AK5: variants seen among roughly 807,000 people sequenced by gnomAD.
AK5 encodes adenylate kinase isoenzyme 5.
AK5 carries 27 observed loss-of-function variants against 69.5 expected under a neutral mutation model. That is an observed-to-expected ratio of 0.39 (90% confidence interval 0.29 to 0.54). The LOEUF (loss-of-function observed/expected upper bound fraction) is 0.54. Among genes scored for constraint, AK5 ranks in the 20% least tolerant of loss-of-function variants. The pLI, the probability that AK5 is intolerant of heterozygous loss-of-function variation, is 0.71. For missense variants in AK5, 531 were observed against 700.4 expected, an observed-to-expected ratio of 0.76 and a Z score of 2.73; for synonymous variants, 260 against 244.4, an observed-to-expected ratio of 1.06 and a Z score of -0.60.
At chr1:77,376,299 G>C (rs1273003097) in intron 6 of AK5, among the ~76,000 whole-genome samples, 1 of 152,066 alleles carries the variant, frequency 6.6e-6, no homozygotes, top group Non-Finnish European at 1.5e-5. Context: ...TGCAAATCCA[G>C]AGGGAGGGCA....
At chr1:77,312,670 C>T (rs916706110) in intron 5 of AK5, among the ~76,000 whole-genome samples, 20 of 151,714 alleles carry the variant, frequency 1.3e-4, no homozygotes, top group Middle Eastern at 3.4e-3. Context: ...CACATCACCA[C>T]GGATGCAATC....
chr1:77,339,823 T>C (rs974177934), intron 5 of AK5, among the ~76,000 whole-genome samples: 5 of 151,956 alleles, frequency 3.3e-5, no homozygotes, highest in African/African-American at 1.2e-4. Flanking sequence ...GGTTTCACCA[T>C]GTTGGTCAGG....
chr1:77,427,870 G>A (rs1054218045), intron 8 of AK5, among the ~76,000 whole-genome samples: 1 of 152,150 alleles, frequency 6.6e-6, no homozygotes, highest in Non-Finnish European at 1.5e-5. Flanking sequence ...AATGCAATAA[G>A]ACAAGAAAAT....
intron 6 of AK5, among the ~76,000 whole-genome samples, chr1:77,403,478 G>C (rs995632056): frequency 2.0e-5 from 3 of 152,114 alleles, no homozygotes; most frequent in African/African-American, 7.2e-5. Context: ...TTTGTATAAG[G>C]TGTAAGGAAG....
chr1:77,444,421 TAC>T (rs369818956), intron 8 of AK5, among the ~76,000 whole-genome samples: 5,593 of 48,176 alleles, frequency 0.12, 399 homozygotes, highest in South Asian at 0.21. Context: ...ATATAGTATA[TAC>T]ATAGTATAAA....
chr1:77,304,988 C>T (rs1056071890), intron 5 of AK5, among the ~76,000 whole-genome samples: 2 of 152,258 alleles, frequency 1.3e-5, no homozygotes, highest in East Asian at 1.9e-4. Context: ...TCCACATCCT[C>T]GTCAGCATTT....
At chr1:77,283,123 G>T in intron 1 of AK5, 1 of 985,814 alleles carries the variant, frequency 1.0e-6, no homozygotes, top group Non-Finnish European at 1.2e-6. Flanking sequence ...TCTGCACCGG[G>T]ACCCGGGAAT....
At chr1:77,329,600 A>G (rs1660985028) in intron 5 of AK5, among the ~76,000 whole-genome samples, 1 of 152,216 alleles carries the variant, frequency 6.6e-6, no homozygotes, top group South Asian at 2.1e-4. Flanking sequence ...AGGATGCCTG[A>G]ACAAGGGCAA....
At chr1:77,322,652 A>G (rs1283211776) in intron 5 of AK5, among the ~76,000 whole-genome samples, 2 of 152,192 alleles carry the variant, frequency 1.3e-5, no homozygotes, top group South Asian at 2.1e-4. Context: ...AGTCCCAGAG[A>G]GATTAAATGA....
intron 3 of AK5, 32 bp downstream of exon 3, chr1:77,293,992 C>T (rs371214369): frequency 1.1e-5 from 18 of 1,580,448 alleles, no homozygotes; most frequent in African/African-American, 8.2e-5. Context: ...ATTCTCATAC[C>T]GTTGCTGCCT....
At chr1:77,341,905 G>T (rs1331915893) in intron 6 of AK5, among the ~76,000 whole-genome samples, 1 of 151,938 alleles carries the variant, frequency 6.6e-6, no homozygotes, top group Non-Finnish European at 1.5e-5. Flanking sequence ...TTTTGTTTTG[G>T]TTTGGTTTTT....
intron 6 of AK5, among the ~76,000 whole-genome samples, chr1:77,372,640 A>G (rs1393204870): frequency 1.3e-5 from 2 of 152,190 alleles, no homozygotes; most frequent in African/African-American, 2.4e-5. Flanking sequence ...CACTTTGGAT[A>G]TATAAGGACT....
At chr1:77,533,383 G>A (rs1170621393) in intron 12 of AK5, among the ~76,000 whole-genome samples, 1 of 151,942 alleles carries the variant, frequency 6.6e-6, no homozygotes. Context: ...GGGTGTGGTG[G>A]TGCACACCTG....
At chr1:77,437,215 A>G (rs1652008116) in intron 8 of AK5, among the ~76,000 whole-genome samples, 1 of 152,146 alleles carries the variant, frequency 6.6e-6, no homozygotes, top group Non-Finnish European at 1.5e-5. Context: ...GGTGGCTATT[A>G]TGTTTTTGAT....
chr1:77,448,394 C>A (rs1187941640), intron 8 of AK5, among the ~76,000 whole-genome samples: 3 of 152,140 alleles, frequency 2.0e-5, no homozygotes, highest in Non-Finnish European at 4.4e-5. Context: ...AATACCCACT[C>A]TGGGTCTCCT....
At chr1:77,355,188 A>G (rs1027399102) in intron 6 of AK5, among the ~76,000 whole-genome samples, 2 of 152,202 alleles carry the variant, frequency 1.3e-5, no homozygotes, top group Non-Finnish European at 2.9e-5. Context: ...AGATTTTGTA[A>G]AGCCTTAGGT....
At chr1:77,430,879 G>A (rs544627770) in intron 8 of AK5, among the ~76,000 whole-genome samples, 4 of 152,300 alleles carry the variant, frequency 2.6e-5, no homozygotes, top group Admixed American at 2.0e-4. Flanking sequence ...GCTATAAAGT[G>A]AAGACACTTA....
chr1:77,358,031 G>GAC (rs1297855863), intron 6 of AK5, among the ~76,000 whole-genome samples: 8 of 151,518 alleles, frequency 5.3e-5, no homozygotes, highest in Non-Finnish European at 7.4e-5. Flanking sequence ...GAGAGAGAGA[G>GAC]AGAGAGAGAC....
chr1:77,410,801 G>C (rs1252922276), intron 6 of AK5, among the ~76,000 whole-genome samples, 180 bp from the exon 7 acceptor site: 1 of 151,974 alleles, frequency 6.6e-6, no homozygotes, highest in Non-Finnish European at 1.5e-5. Flanking sequence ...ACTCTTCTCT[G>C]TTCGATAGGA....
Sources: gnomAD v4.1 joint callset for allele counts (sites outside exome capture counted in the v4.1 genomes callset) on GRCh38, gnomAD v4.1.1 for gene constraint, MANE v1.5 for transcripts, NCBI Gene and HGNC (gene_info 2026-07-23, HGNC 2026-07-21) for gene names.